MARK1: variants seen among roughly 807,000 people sequenced by gnomAD.
MARK1 encodes the protein serine/threonine-protein kinase MARK1.
In MARK1, 40 loss-of-function variants were observed where a neutral mutation model predicts 96.3. That is an observed-to-expected ratio of 0.42 (90% CI 0.32 to 0.54). The LOEUF (loss-of-function observed/expected upper bound fraction) is 0.54, where lower values mean the gene tolerates loss of function less well. Ranked by LOEUF, MARK1 falls within the 20% of genes least tolerant of loss-of-function variation. The probability of loss-of-function intolerance (pLI) is 0.16; values close to 1 mark genes in which losing one functional copy is unlikely to be tolerated. For synonymous variants in MARK1, 317 were observed against 341.2 expected, an observed-to-expected ratio of 0.93 and a Z score of 0.78; for missense variants, 719 against 984.6, an observed-to-expected ratio of 0.73 and a Z score of 3.61.
intron 3 of MARK1, among the ~76,000 whole-genome samples, chr1:220,582,697 T>C (rs1185008406): frequency 1.3e-5 from 2 of 152,262 alleles, no homozygotes; most frequent in Non-Finnish European, 2.9e-5. Flanking sequence ...GTTGTACTTA[T>C]TGAAACATGT....
At chr1:220,599,767 TTA>T (rs774666334) in intron 4 of MARK1, 29 bp from the exon 5 acceptor site, 1 of 1,255,814 alleles carries the variant, frequency 8.0e-7, no homozygotes, top group South Asian at 1.2e-5. Flanking sequence ...GTGCTAACAG[TTA>T]TAGAGTTATA....
At position 220,653,250 on chromosome 1, in the gene MARK1, G is replaced by A; in HGVS notation, c.1886G>A (p.Gly629Glu). 1.9e-6 allele frequency: 3 copies of A among 1,614,156 alleles called. No individual in the cohort carries two copies. Among genetic ancestry groups the A allele is most frequent in the Non-Finnish European group, 2.5e-6 (3 of 1,180,034 alleles). The change falls in exon 16 of 18, where the codon GGG (glycine) becomes GAG (glutamate). Residue 629 changes from glycine (G) to glutamate (E), a missense_variant. Physicochemically the swap from Gly to Glu is moderately conservative, Grantham distance 98. Around this residue, in one of 4 missense-constraint regions of MARK1, gnomAD observed 501 missense variants for 588.3 expected, o/e 0.85. Coordinates refer to ENST00000366917, the MANE Select transcript of MARK1 (RefSeq NM_018650.5). The stretch of plus-strand genomic sequence containing the variant: ...GAGCGACGCAGCGTTGCTTATAATG[G>A]GCCACCTGCTTCACCATCCCATGAA... Reference protein sequence around the residue: ...LRERRSVAYNGPPASPSHETG... With the variant: ...LRERRSVAYNEPPASPSHETG...
chr1:220,568,297 A>G (rs1358270425), intron 1 of MARK1, among the ~76,000 whole-genome samples: 1 of 152,156 alleles, frequency 6.6e-6, no homozygotes, highest in Non-Finnish European at 1.5e-5. Flanking sequence ...ATGAGATTTA[A>G]GCAAAGACTT....
At chr1:220,600,449 T>A (rs1424994446) in intron 5 of MARK1, among the ~76,000 whole-genome samples, 1 of 152,204 alleles carries the variant, frequency 6.6e-6, no homozygotes, top group Non-Finnish European at 1.5e-5. Context: ...ACTATCATGG[T>A]GTCAAAAATA....
chr1:220,595,195 TC>T (rs1346511254), intron 3 of MARK1, among the ~76,000 whole-genome samples: 2 of 152,216 alleles, frequency 1.3e-5, no homozygotes, highest in Admixed American at 6.5e-5. Flanking sequence ...TTTATGTGTA[TC>T]ATAGATATGT....
At chr1:220,563,265 T>C (rs1363756530) in intron 1 of MARK1, among the ~76,000 whole-genome samples, 1 of 152,084 alleles carries the variant, frequency 6.6e-6, no homozygotes, top group Admixed American at 6.6e-5. Flanking sequence ...AGGAAATTTA[T>C]AAATAATTTT....
chr1:220,535,060 T>C (rs913797120), intron 1 of MARK1, among the ~76,000 whole-genome samples: 15 of 152,076 alleles, frequency 9.9e-5, no homozygotes, highest in Admixed American at 2.6e-4. Context: ...GTATGTTAGT[T>C]CTATTGTTGG....
intron 13 of MARK1, among the ~76,000 whole-genome samples, chr1:220,640,170 T>C (rs1365261507): frequency 6.6e-6 from 1 of 152,224 alleles, no homozygotes; most frequent in African/African-American, 2.4e-5. Context: ...TTTACCAGTG[T>C]CAGTAGAATA....
intron 1 of MARK1, among the ~76,000 whole-genome samples, chr1:220,570,710 A>G (rs1460667201): frequency 6.6e-6 from 1 of 152,120 alleles, no homozygotes; most frequent in Admixed American, 6.5e-5. Flanking sequence ...CTATTAATAC[A>G]CTGTATTGGC....
chr1:220,575,062 C>T (rs1558269083), intron 1 of MARK1, among the ~76,000 whole-genome samples: 1 of 152,164 alleles, frequency 6.6e-6, no homozygotes, highest in Non-Finnish European at 1.5e-5. Flanking sequence ...AGAAGAACTT[C>T]ATTTCAGTCA....
rs561508096 is a variant in MARK1 at position 220,626,186 on chromosome 1, A to G, written c.910-4849A>G. On this transcript the variant is annotated intron_variant, in intron 9 of 17. Coordinates refer to ENST00000366917, the MANE Select transcript of MARK1 (RefSeq NM_018650.5). ...AAGAAGCCTGAGGCATCTGGCTTCT[A>G]TTACATCAATGACATTGTCTTGGCC... 7 of 579,692 alleles carry G rather than the reference A, an allele frequency of 1.2e-5. No homozygotes were observed. In the Admixed American group the frequency reaches 1.2e-4, roughly 10 times the overall value. The allele number at this position is 579,692 out of a possible 1,614,324, so 35.9% of individuals were successfully genotyped here. A position where few individuals can be genotyped will look rare whatever the true frequency, so the allele number is the denominator to read the frequency against.
At chr1:220,636,614 A>C (rs2103018250) in intron 13 of MARK1, among the ~76,000 whole-genome samples, 1 of 152,286 alleles carries the variant, frequency 6.6e-6, no homozygotes, top group East Asian at 1.9e-4. Flanking sequence ...CAAAAAATAA[A>C]GAGGGAAGAT....
intron 3 of MARK1, 41 bp from the exon 4 acceptor site, chr1:220,598,288 GTT>G: frequency 1.9e-6 from 1 of 515,882 alleles, no homozygotes; most frequent in Non-Finnish European, 3.7e-6. Flanking sequence ...CTGCTTGCTT[GTT>G]TTTTTTTAAC....
At chr1:220,646,159 C>G (rs78113385) in intron 13 of MARK1, among the ~76,000 whole-genome samples, 1,726 of 152,210 alleles carry the variant, frequency 0.011, 25 homozygotes, top group African/African-American at 0.04. Flanking sequence ...TCTAGAAAAT[C>G]CTATCATCTC....
chr1:220,631,514 C>G (rs1483798060), intron 10 of MARK1, among the ~76,000 whole-genome samples: 1 of 152,148 alleles, frequency 6.6e-6, no homozygotes, highest in African/African-American at 2.4e-5. Context: ...AAGAGTTGAA[C>G]ACTTTGGCTC....
chr1:220,546,379 A>G (rs1033110807), intron 1 of MARK1, among the ~76,000 whole-genome samples: 1 of 152,234 alleles, frequency 6.6e-6, no homozygotes, highest in African/African-American at 2.4e-5. Flanking sequence ...ACCATAAAAC[A>G]ATCACTTAGT....
At chr1:220,601,454 A>G (rs1006585387) in intron 5 of MARK1, among the ~76,000 whole-genome samples, 4 of 152,200 alleles carry the variant, frequency 2.6e-5, no homozygotes, top group Non-Finnish European at 5.9e-5. Flanking sequence ...ATGTGGATCT[A>G]TAATAAAACT....
intron 1 of MARK1, among the ~76,000 whole-genome samples, chr1:220,547,586 G>A (rs958236753): frequency 4.6e-5 from 7 of 151,350 alleles, no homozygotes; most frequent in Non-Finnish European, 1.0e-4. Context: ...TTTTTTTGAG[G>A]TGGAGTCTCA....
chr1:220,536,196 CT>C (rs1417138570), intron 1 of MARK1, among the ~76,000 whole-genome samples: 2 of 151,990 alleles, frequency 1.3e-5, no homozygotes, highest in Non-Finnish European at 2.9e-5. Context: ...ATAAGATAAT[CT>C]CGTCTACAAA....
Sources: allele counts gnomAD v4.1 joint callset (sites outside exome capture counted in the v4.1 genomes callset), GRCh38; gene constraint gnomAD v4.1.1; regional missense constraint gnomAD v4.1.1; transcripts MANE v1.5; gene names NCBI Gene and HGNC (gene_info 2026-07-23, HGNC 2026-07-21).